The following RBFOX1 variants were observed in gnomAD, a reference collection of about 807,000 sequenced individuals.
The protein encoded by RBFOX1 is RNA binding protein fox-1 homolog 1.
A neutral mutation model predicts 57.7 loss-of-function variants in RBFOX1; 8 were observed. The ratio of observed to expected loss-of-function variants is 0.14; its 90% CI spans 0.08 to 0.25. The LOEUF (loss-of-function observed/expected upper bound fraction) is 0.25. RBFOX1 is among the 10% of genes least tolerant of loss of function. The pLI is 1.00. For missense variants in RBFOX1, 611 were observed against 548.5 expected, an observed-to-expected ratio of 1.11 and a Z score of -1.14; for synonymous variants, 326 against 222.4, an observed-to-expected ratio of 1.47 and a Z score of -4.15.
chr16:6,370,266 G>A (rs2090227597), intron 2 of RBFOX1, among the ~76,000 whole-genome samples: 1 of 145,314 alleles, frequency 6.9e-6, no homozygotes, highest in Admixed American at 7.2e-5. Context: ...GCTGAGGCAG[G>A]AGAATAGTGT....
At chr16:6,133,157 G>T (rs1037733096) in intron 1 of RBFOX1, among the ~76,000 whole-genome samples, 2 of 151,958 alleles carry the variant, frequency 1.3e-5, no homozygotes, top group Non-Finnish European at 2.9e-5. Flanking sequence ...TGATGCTGGG[G>T]CTCAATTCTC....
At chr16:6,712,883 G>GTTTTTTTTTTTTTTTTTTTTTTTTTT (rs61328266) in intron 3 of RBFOX1, among the ~76,000 whole-genome samples, 1 of 83,018 alleles carries the variant, frequency 1.2e-5, no homozygotes, top group Non-Finnish European at 2.4e-5. Flanking sequence ...TCATGGGGGT[G>GTTTTTTTTTTTTTTTTTTTTTTTTTT]TTTTTTTTTT....
At chr16:5,571,022 A>G (rs1358661500) in intron 2 of RBFOX1, among the ~76,000 whole-genome samples, 1 of 152,064 alleles carries the variant, frequency 6.6e-6, no homozygotes, top group Non-Finnish European at 1.5e-5. Flanking sequence ...TCTCATATAC[A>G]CAATCTCTTG....
intron 3 of RBFOX1, among the ~76,000 whole-genome samples, chr16:6,700,320 A>C (rs540384491): frequency 2.6e-4 from 40 of 151,358 alleles, no homozygotes; most frequent in African/African-American, 9.7e-4. Context: ...TGCTTACATA[A>C]ATTTTTAAAA....
At chr16:7,317,699 G>A (rs1400255134) in intron 4 of RBFOX1, among the ~76,000 whole-genome samples, 1 of 152,146 alleles carries the variant, frequency 6.6e-6, no homozygotes, top group Non-Finnish European at 1.5e-5. Context: ...GGAGTGAAGT[G>A]CATTCACGGG....
chr16:6,941,512 G>T (rs942812407), intron 3 of RBFOX1, among the ~76,000 whole-genome samples: 1 of 151,738 alleles, frequency 6.6e-6, no homozygotes, highest in African/African-American at 2.4e-5. Context: ...CCCAGTAAGG[G>T]GACCCTGCTG....
intron 2 of RBFOX1, among the ~76,000 whole-genome samples, chr16:6,401,203 C>T (rs1256993489): frequency 6.6e-6 from 1 of 152,124 alleles, no homozygotes; most frequent in Non-Finnish European, 1.5e-5. Flanking sequence ...GGGAGCATGT[C>T]CAAAGGACAC....
chr16:7,054,141 C>T (rs1300708136), intron 4 of RBFOX1, among the ~76,000 whole-genome samples: 2 of 136,482 alleles, frequency 1.5e-5, no homozygotes, highest in African/African-American at 2.8e-5. Flanking sequence ...CTTTTCCTTT[C>T]ACACCTGTGT....
intron 3 of RBFOX1, among the ~76,000 whole-genome samples, chr16:6,740,041 T>C (rs1355067911): frequency 6.6e-6 from 1 of 152,142 alleles, no homozygotes. Context: ...AAATAGAATC[T>C]AACAATATAT....
At chr16:5,618,820 A>G (rs1596476805) in intron 3 of RBFOX1, among the ~76,000 whole-genome samples, 2 of 152,164 alleles carry the variant, frequency 1.3e-5, no homozygotes, top group East Asian at 3.9e-4. Context: ...TTAAAAGGCA[A>G]CCTTCAATGT....
intron 3 of RBFOX1, among the ~76,000 whole-genome samples, chr16:6,711,833 C>T (rs934818700): frequency 1.3e-5 from 2 of 152,144 alleles, no homozygotes; most frequent in African/African-American, 2.4e-5. Flanking sequence ...GAGAAACCTT[C>T]CCCAGGTACC....
intron 4 of RBFOX1, among the ~76,000 whole-genome samples, chr16:5,920,069 G>T (rs1286653658): frequency 6.6e-6 from 1 of 152,190 alleles, no homozygotes; most frequent in African/African-American, 2.4e-5. Context: ...GAGTAGCGGG[G>T]ACTACAGGCG....
In RBFOX1 at chr16:6,764,745, T is replaced by C. The variant is rs1442659397; in HGVS notation, c.-16+110095T>C. On this transcript the variant is annotated intron_variant, in intron 3 of 15. Coordinates refer to ENST00000550418, the MANE Select transcript of RBFOX1 (RefSeq NM_018723.4). ...TGAGGTCAGGTGTACGAGACCAACCTGGCCAACATGGTGAAACCCTGTCTC... is the reference window on the plus strand; with the variant it reads ...TGAGGTCAGGTGTACGAGACCAACCCGGCCAACATGGTGAAACCCTGTCTC... Among the ~76,000 whole-genome samples the C allele has an allele frequency of 2.0e-5, 3 of 152,124 alleles. No homozygotes were observed. In the East Asian group the frequency reaches 5.8e-4, roughly 29 times the overall value.
intron 2 of RBFOX1, among the ~76,000 whole-genome samples, chr16:6,475,599 T>G (rs1204880651): frequency 6.6e-6 from 1 of 152,214 alleles, no homozygotes; most frequent in African/African-American, 2.4e-5. Flanking sequence ...ATAAATCGTA[T>G]GTTCTCCCAT....
intron 4 of RBFOX1, among the ~76,000 whole-genome samples, chr16:7,121,538 C>G (rs1002012314): frequency 6.6e-6 from 1 of 152,012 alleles, no homozygotes; most frequent in African/African-American, 2.4e-5. Context: ...ATGCTGAAAA[C>G]TATAAAGTAT....
chr16:6,859,445 G>T (rs967100053), intron 3 of RBFOX1, among the ~76,000 whole-genome samples: 12 of 151,832 alleles, frequency 7.9e-5, no homozygotes, highest in Non-Finnish European at 1.3e-4. Context: ...CTGTTCATCA[G>T]AGAACTTGAT....
At chr16:7,142,405 T>C (rs148795109) in intron 4 of RBFOX1, among the ~76,000 whole-genome samples, 187 of 152,270 alleles carry the variant, frequency 1.2e-3, no homozygotes, top group Admixed American at 2.7e-3. Flanking sequence ...TTCTTGTTGA[T>C]GTCATTTCGT....
At chr16:5,591,721 A>T (rs1405723554) in intron 2 of RBFOX1, among the ~76,000 whole-genome samples, 1 of 152,158 alleles carries the variant, frequency 6.6e-6, no homozygotes, top group Non-Finnish European at 1.5e-5. Flanking sequence ...CTACCTCATT[A>T]TCTTAACTGA....
At chr16:5,814,237 C>T (rs969847615) in intron 3 of RBFOX1, among the ~76,000 whole-genome samples, 1 of 152,126 alleles carries the variant, frequency 6.6e-6, no homozygotes, top group Non-Finnish European at 1.5e-5. Context: ...GCTGAAGTGC[C>T]TTTGGGAAAC....
Sources: gnomAD v4.1 joint callset for allele counts (sites outside exome capture counted in the v4.1 genomes callset) on GRCh38, gnomAD v4.1.1 for gene constraint, MANE v1.5 for transcripts, NCBI Gene and HGNC (gene_info 2026-07-23, HGNC 2026-07-21) for gene names.